SUGP1: variants seen among roughly 807,000 people sequenced by gnomAD.
The protein encoded by SUGP1 is SURP and G-patch domain containing 1, also known as SURP and G-patch domain-containing protein 1.
SUGP1 carries 34 observed loss-of-function variants against 76.5 expected under a neutral mutation model. The ratio of observed to expected loss-of-function variants is 0.44; its 90% confidence interval spans 0.34 to 0.59. The LOEUF is 0.59. Among genes scored for constraint, SUGP1 ranks in the 20% least tolerant of loss-of-function variants. The pLI, the probability that SUGP1 is intolerant of heterozygous loss-of-function variation, is 0.01. For synonymous variants in SUGP1, 326 were observed against 326.2 expected (o/e 1.00, Z 0.01); for missense variants, 752 against 851.7 (o/e 0.88, Z 1.46).
At chr19:19,316,080 G>C (rs958927564) in intron 2 of SUGP1, among the ~76,000 whole-genome samples, 50 of 152,056 alleles carry the variant, frequency 3.3e-4, no homozygotes, top group African/African-American at 1.1e-3. Context: ...GTGATCCTCT[G>C]TCTCAGCCTC....
chr19:19,292,363 G>A (rs2061192285), intron 8 of SUGP1, among the ~76,000 whole-genome samples: 1 of 151,926 alleles, frequency 6.6e-6, no homozygotes, highest in South Asian at 2.1e-4. Flanking sequence ...TACTCTATGG[G>A]GCTAGGATTA....
At chr19:19,303,888 C>T in intron 4 of SUGP1, 41 bp from the exon 5 acceptor site, 1 of 1,612,356 alleles carries the variant, frequency 6.2e-7, no homozygotes. Context: ...ACTCACACAC[C>T]CCACAGTCAA....
intron 7 of SUGP1, among the ~76,000 whole-genome samples, 198 bp from the exon 8 acceptor site, chr19:19,297,542 C>T (rs1404830771): frequency 6.6e-6 from 1 of 152,040 alleles, no homozygotes; most frequent in South Asian, 2.1e-4. Flanking sequence ...TGGCCCGATG[C>T]CCTTCCTTTG....
At chr19:19,304,539 C>T (rs1253521244) in intron 4 of SUGP1, among the ~76,000 whole-genome samples, 2 of 152,192 alleles carry the variant, frequency 1.3e-5, no homozygotes, top group Non-Finnish European at 2.9e-5. Flanking sequence ...ATCATTATTT[C>T]GGGGCCTTTT....
chr19:19,279,353 C>T lies in SUGP1; in HGVS notation c.1388G>A (p.Arg463Gln), dbSNP rs1411847599. 8 of 1,609,644 alleles carry T rather than the reference C, an allele frequency of 5.0e-6. No homozygotes were observed. The highest frequency in any genetic ancestry group is 1.3e-5 in the African/African-American group (1 of 74,864). The change falls in exon 10 of 14, where the codon CGG becomes CAG. Residue 463 changes from arginine (R) to glutamine (Q), a missense_variant. Arg to Gln is a conservative substitution (Grantham distance 43). This residue lies in a region of SUGP1 where 620 missense variants were observed against 617.3 expected (regional missense o/e 1.00). Transcript: ENST00000247001. ...QMYDMIMQHK[R>Q]AMQDMQLLWE... ...CAGCAGCTGCATGTCCTGCATGGCC[C>T]GCTTGTGCTGCATGATCATGTCGTA...
intron 8 of SUGP1, among the ~76,000 whole-genome samples, chr19:19,294,747 C>T (rs1214727374): frequency 1.3e-5 from 2 of 151,858 alleles, no homozygotes; most frequent in Non-Finnish European, 1.5e-5. Flanking sequence ...CGCACAACTA[C>T]CTGCCCCCTC....
rs778740407 is a variant in SUGP1 at position 19,305,874 on chromosome 19, GTCC to G, written c.510_512del (p.Glu170del). On this transcript the variant is annotated inframe_deletion, in exon 4 of 14. Coordinates refer to ENST00000247001, the MANE Select transcript of SUGP1 (RefSeq NM_172231.4). The stretch of plus-strand genomic sequence containing the variant: ...CTTTGATCTCCAGCCACTGCTCATA[GTCC>G]TCCTCCTCGTCCTCGTCAGGGGACT... 1.9e-6 allele frequency: 3 copies of G among 1,612,038 alleles called. No homozygotes were observed. The highest frequency in any genetic ancestry group is 2.5e-6 in the Non-Finnish European group (3 of 1,178,902).
At chr19:19,304,322 CA>C (rs2061298478) in intron 4 of SUGP1, among the ~76,000 whole-genome samples, 1 of 152,126 alleles carries the variant, frequency 6.6e-6, no homozygotes, top group Admixed American at 6.5e-5. Flanking sequence ...GGAACCTCTT[CA>C]AGCTGGCTCC....
intron 8 of SUGP1, among the ~76,000 whole-genome samples, chr19:19,284,724 T>C (rs1599847585): frequency 1.3e-5 from 2 of 152,104 alleles, no homozygotes; most frequent in African/African-American, 4.8e-5. Context: ...CAAAGGATGG[T>C]TTGACAGGTT....
rs2061279129 is a variant in SUGP1, at chr19:19,302,386, A to AAACTTTAAGCAGGCTGTC, written c.764-16_765dup (p.Val255_Ser256insAspSerLeuLeuLysVal). ...TTGACCTCTTCGTCCTCTGGGGGTG[A>AAACTTTAAGCAGGCTGTC]AACTTTAAGCAGGCTGTCAGTACTG... On this transcript the variant is annotated inframe_insertion and splice_region_variant, in exon 7 of 14. Transcript: ENST00000247001. 1.2e-6 allele frequency: 2 copies of AAACTTTAAGCAGGCTGTC among 1,614,046 alleles called. No homozygotes were observed. Among genetic ancestry groups the AAACTTTAAGCAGGCTGTC allele is most frequent in the African/African-American group, 2.7e-5 (2 of 75,038 alleles).
Position 19,280,229 on chromosome 19 carries a change from C to T in SUGP1, c.1306G>A (p.Glu436Lys). Reference protein sequence around the residue: ...GKPVGLVGVTELSDAQKKQLK... With the variant: ...GKPVGLVGVTKLSDAQKKQLK... ...TGCTTCTTCTGGGCGTCTGAAAGCT[C>T]TGTGACGCCCACTAGACCCACAGGC... Residue 436 changes from glutamate (E) to lysine (K), a missense_variant, in exon 9 of 14, where the codon GAG (glutamate) becomes AAG (lysine). This residue lies in a region of SUGP1 where 620 missense variants were observed against 617.3 expected (regional missense o/e 1.00). Coordinates refer to ENST00000247001, the MANE Select transcript of SUGP1 (RefSeq NM_172231.4). The T allele has an allele frequency of 1.2e-6, 2 of 1,614,010 alleles. No homozygotes were observed. Among genetic ancestry groups the T allele is most frequent in the African/African-American group, 2.7e-5 (2 of 75,066 alleles).
At chr19:19,302,190 G>A in intron 7 of SUGP1, 75 bp downstream of exon 7, 2 of 1,588,942 alleles carry the variant, frequency 1.3e-6, no homozygotes, top group Non-Finnish European at 1.7e-6. Context: ...GCTGGACTAT[G>A]CTGATCCAGT....
chr19:19,280,064 C>T (rs72999092), intron 9 of SUGP1, 121 bp downstream of exon 9: 41 of 974,390 alleles, frequency 4.2e-5, no homozygotes, highest in Non-Finnish European at 5.9e-5. Context: ...GCCATGGGTT[C>T]CACCTGAACA....
At chr19:19,304,395 G>A (rs2061299227) in intron 4 of SUGP1, among the ~76,000 whole-genome samples, 2 of 151,968 alleles carry the variant, frequency 1.3e-5, no homozygotes, top group South Asian at 4.2e-4. Flanking sequence ...GCCAGGACAG[G>A]CGCTCCAAGA....
chr19:19,303,989 G>C, intron 4 of SUGP1, 142 bp from the exon 5 acceptor site: 1 of 1,595,280 alleles, frequency 6.3e-7, no homozygotes, highest in Non-Finnish European at 8.5e-7. Context: ...CCCGAGTCCA[G>C]GCACAAAACA....
Position 19,277,853 on chromosome 19 carries a change from C to G in SUGP1, c.1662G>C (p.Glu554Asp). 1 of 1,614,006 alleles carries G rather than the reference C, an allele frequency of 6.2e-7. No individual in the cohort carries two copies. The highest frequency in any genetic ancestry group is 1.3e-5 in the African/African-American group (1 of 75,050). ...CCACAGTCAGCTTGAACTCCTTGTA[C>G]TCTGAGTAGTCAGGCTCACGGCCCT... ...LKEGREPDYS[E>D]YKEFKLTVEN... is the part of the protein sequence containing the mutation. Residue 554 changes from glutamate (E) to aspartate (D), a missense_variant, in exon 12 of 14, where the codon GAG becomes GAC. Glu to Asp is a conservative substitution (Grantham distance 45). This residue lies in a region of SUGP1 where 132 missense variants were observed against 234.4 expected (regional missense o/e 0.56). Coordinates refer to ENST00000247001, the MANE Select transcript of SUGP1 (RefSeq NM_172231.4).
intron 8 of SUGP1, chr19:19,280,713 C>G (rs1003240829): frequency 7.5e-5 from 14 of 187,782 alleles, no homozygotes; most frequent in Non-Finnish European, 1.2e-4. Context: ...CTAACAGACA[C>G]CAGGTGTAAG....
chr19:19,316,216 T>A (rs1007471205), intron 2 of SUGP1: 1 of 615,802 alleles, frequency 1.6e-6, no homozygotes, highest in Non-Finnish European at 2.8e-6. Flanking sequence ...AGTGGATGAG[T>A]TGGCAGGCTG....
intron 11 of SUGP1, 44 bp from the exon 12 acceptor site, chr19:19,277,923 G>C: frequency 6.2e-7 from 1 of 1,605,492 alleles, no homozygotes. Flanking sequence ...GGCTGGGGCT[G>C]TGGTGGCCCC....
Sources: gnomAD v4.1 joint callset for allele counts (sites outside exome capture counted in the v4.1 genomes callset) on GRCh38, gnomAD v4.1.1 for gene constraint, gnomAD v4.1.1 regional missense constraint, MANE v1.5 for transcripts, NCBI Gene and HGNC (gene_info 2026-07-23, HGNC 2026-07-21) for gene names.